Variants in ANGPT1 observed in about 807,000 individuals in gnomAD.
ANGPT1 encodes angiopoietin 1, also known as angiopoietin-1.
Under a neutral mutation model 62.2 loss-of-function variants are expected in ANGPT1, and 17 were observed. The ratio of observed to expected loss-of-function variants is 0.27; its 90% CI spans 0.19 to 0.41. ANGPT1 has a LOEUF of 0.41. ANGPT1 is among the 10% of genes least tolerant of loss of function. The pLI is 1.00. For synonymous variants in ANGPT1, 199 were observed against 198.9 expected (o/e 1.00, Z 0.00); for missense variants, 478 against 594.9 (o/e 0.80, Z 2.04).
At chr8:107,392,907 C>T (rs537254561) in intron 1 of ANGPT1, among the ~76,000 whole-genome samples, 6 of 152,208 alleles carry the variant, frequency 3.9e-5, no homozygotes, top group South Asian at 2.1e-4. Context: ...CATATGTGTG[C>T]GGATCTATTT....
intron 1 of ANGPT1, among the ~76,000 whole-genome samples, chr8:107,490,495 C>G (rs1812928598): frequency 6.6e-6 from 1 of 152,176 alleles, no homozygotes; most frequent in African/African-American, 2.4e-5. Flanking sequence ...CACAGCATGT[C>G]CAGACACCCA....
At chr8:107,428,116 A>G (rs564986978) in intron 1 of ANGPT1, among the ~76,000 whole-genome samples, 1 of 152,334 alleles carries the variant, frequency 6.6e-6, no homozygotes, top group African/African-American at 2.4e-5. Flanking sequence ...TCCACTTATT[A>G]CCAACCACAA....
chr8:107,265,129 A>G (rs1457055783), intron 7 of ANGPT1, among the ~76,000 whole-genome samples: 2 of 151,460 alleles, frequency 1.3e-5, no homozygotes, highest in Non-Finnish European at 2.9e-5. Context: ...CTTACTATCT[A>G]GAAACATTTC....
At chr8:107,439,103 G>A (rs1218993298) in intron 1 of ANGPT1, among the ~76,000 whole-genome samples, 1 of 152,092 alleles carries the variant, frequency 6.6e-6, no homozygotes, top group Non-Finnish European at 1.5e-5. Context: ...AAAAAAGAAA[G>A]TTTAGATACA....
intron 1 of ANGPT1, among the ~76,000 whole-genome samples, chr8:107,391,353 CAT>C (rs1816831563): frequency 6.6e-6 from 1 of 152,146 alleles, no homozygotes; most frequent in Admixed American, 6.6e-5. Flanking sequence ...AATTTCAAAA[CAT>C]ATATGTGTTT....
At chr8:107,256,156 T>G (rs1813351979) in intron 8 of ANGPT1, among the ~76,000 whole-genome samples, 3 of 152,174 alleles carry the variant, frequency 2.0e-5, no homozygotes, top group Non-Finnish European at 4.4e-5. Flanking sequence ...CAACTGATAA[T>G]AAAGATGATG....
chr8:107,361,030 C>A (rs1586255276), intron 1 of ANGPT1, among the ~76,000 whole-genome samples: 1 of 152,138 alleles, frequency 6.6e-6, no homozygotes, highest in East Asian at 1.9e-4. Flanking sequence ...TTTACTCAAC[C>A]AAAACAGAGA....
chr8:107,268,086 C>T (rs1444938434), intron 7 of ANGPT1, among the ~76,000 whole-genome samples: 1 of 151,974 alleles, frequency 6.6e-6, no homozygotes, highest in African/African-American at 2.4e-5. Flanking sequence ...ACTGTGAGCT[C>T]CTTGAGGCAT....
intron 7 of ANGPT1, among the ~76,000 whole-genome samples, chr8:107,277,984 G>A (rs1325059466): frequency 6.6e-6 from 1 of 151,846 alleles, no homozygotes. Context: ...TTTCGATATA[G>A]AATATATAAT....
intron 4 of ANGPT1, among the ~76,000 whole-genome samples, chr8:107,314,240 C>A (rs1386095316): frequency 6.6e-6 from 1 of 152,210 alleles, no homozygotes; most frequent in Non-Finnish European, 1.5e-5. Context: ...AGGAAACACT[C>A]TTTTTGTGGC....
intron 5 of ANGPT1, chr8:107,294,453 A>C (rs1412518114): frequency 6.5e-6 from 1 of 153,680 alleles, no homozygotes; most frequent in Non-Finnish European, 1.4e-5. Context: ...AAATTGATTG[A>C]AATGGGAGTA....
At chr8:107,392,341 G>A (rs993481355) in intron 1 of ANGPT1, among the ~76,000 whole-genome samples, 1 of 151,998 alleles carries the variant, frequency 6.6e-6, no homozygotes, top group African/African-American at 2.4e-5. Flanking sequence ...TTTCCCATAT[G>A]CTCAAAAGCA....
intron 8 of ANGPT1, among the ~76,000 whole-genome samples, chr8:107,261,310 G>C (rs538039638): frequency 6.6e-6 from 1 of 152,170 alleles, no homozygotes; most frequent in East Asian, 1.9e-4. Flanking sequence ...ACTAGTTTTG[G>C]GGGTGAGGGC....
chr8:107,451,159 T>C (rs1351837849), intron 1 of ANGPT1, among the ~76,000 whole-genome samples: 1 of 151,904 alleles, frequency 6.6e-6, no homozygotes, highest in Non-Finnish European at 1.5e-5. Context: ...GAATTTGCAT[T>C]AACTCTTTCC....
chr8:107,415,877 C>T (rs530040751), intron 1 of ANGPT1, among the ~76,000 whole-genome samples: 47 of 152,080 alleles, frequency 3.1e-4, no homozygotes, highest in East Asian at 1.7e-3. Context: ...GTAATTATAA[C>T]GGAGCTATAA....
chr8:107,300,440 G>C (rs1386506257), intron 5 of ANGPT1, among the ~76,000 whole-genome samples: 1 of 151,578 alleles, frequency 6.6e-6, no homozygotes, highest in Non-Finnish European at 1.5e-5. Context: ...TTATAATAGG[G>C]AAATAATAAA....
At chr8:107,292,191 T>A (rs1025008876) in intron 6 of ANGPT1, among the ~76,000 whole-genome samples, 1 of 152,186 alleles carries the variant, frequency 6.6e-6, no homozygotes, top group Non-Finnish European at 1.5e-5. Flanking sequence ...CTAAAATAGC[T>A]ATCAGGTTTA....
chr8:107,343,959 G>A (rs1563578267), intron 2 of ANGPT1, among the ~76,000 whole-genome samples: 1 of 152,116 alleles, frequency 6.6e-6, no homozygotes, highest in Non-Finnish European at 1.5e-5. Context: ...CTGCTCATGA[G>A]GCTGGAGTGG....
intron 5 of ANGPT1, among the ~76,000 whole-genome samples, chr8:107,299,668 T>C (rs191804521): frequency 7.5e-6 from 1 of 133,492 alleles, no homozygotes; most frequent in African/African-American, 2.7e-5. Context: ...TATAGACATA[T>C]AGTTATATAG....
Sources: allele counts gnomAD v4.1 joint callset (sites outside exome capture counted in the v4.1 genomes callset), GRCh38; gene constraint gnomAD v4.1.1; transcripts MANE v1.5; gene names NCBI Gene and HGNC (gene_info 2026-07-23, HGNC 2026-07-21).